MAF: variants seen among roughly 807,000 people sequenced by gnomAD.
MAF encodes MAF bZIP transcription factor.
MAF carries 10 observed loss-of-function variants against 22.0 expected under a neutral mutation model. The observed-to-expected ratio is 0.45, with a 90% CI of 0.28 to 0.77. The LOEUF is 0.77. Among genes scored for constraint, MAF ranks in the 30% least tolerant of loss-of-function variants. The pLI is 0.12. For missense variants in MAF, 544 were observed against 548.4 expected (o/e 0.99, Z 0.08); for synonymous variants, 337 against 255.8 (o/e 1.32, Z -3.03).
At chr16:79,267,910 GC>G in the MAF span, among the ~76,000 whole-genome samples, 3 of 151,996 alleles carry the variant, frequency 2.0e-5, no homozygotes, top group Non-Finnish European at 4.4e-5. Context: ...ACTCCACCTG[GC>G]CCGTTCTCAG....
chr16:79,202,887 G>T, the MAF span: 1 of 152,172 alleles, frequency 6.6e-6, no homozygotes, highest in African/African-American at 2.4e-5. Context: ...TGAGTAGTCA[G>T]CACATGCATA....
the MAF span, among the ~76,000 whole-genome samples, chr16:79,289,257 A>G: frequency 6.6e-6 from 1 of 152,218 alleles, no homozygotes; most frequent in Non-Finnish European, 1.5e-5. Context: ...GGAGCCCACA[A>G]AGGAGGTGAT....
the MAF span, among the ~76,000 whole-genome samples, chr16:79,461,003 C>T: frequency 6.6e-6 from 1 of 152,156 alleles, no homozygotes; most frequent in African/African-American, 2.4e-5. Context: ...TACTTATAGG[C>T]ACATGGCAGA....
chr16:79,216,784 G>A, the MAF span, among the ~76,000 whole-genome samples: 1 of 151,148 alleles, frequency 6.6e-6, no homozygotes, highest in Non-Finnish European at 1.5e-5. Context: ...TATGATTTAT[G>A]TAATAATGAT....
At chr16:79,315,450 C>A in the MAF span, among the ~76,000 whole-genome samples, 1 of 152,154 alleles carries the variant, frequency 6.6e-6, no homozygotes. Context: ...TATTTATACT[C>A]TTTCAACTTC....
chr16:79,257,801 A>G, the MAF span, among the ~76,000 whole-genome samples: 1 of 152,322 alleles, frequency 6.6e-6, no homozygotes, highest in Non-Finnish European at 1.5e-5. Context: ...ACATGAGAAA[A>G]TGTTGCTGTT....
the MAF span, among the ~76,000 whole-genome samples, chr16:79,550,873 T>G: frequency 1.3e-5 from 2 of 152,116 alleles, no homozygotes; most frequent in African/African-American, 4.8e-5. Flanking sequence ...TTGGCACAGA[T>G]GGCTCACGAA....
the MAF span, among the ~76,000 whole-genome samples, chr16:79,235,580 G>C: frequency 1.3e-5 from 2 of 151,796 alleles, 1 homozygote; most frequent in Non-Finnish European, 2.9e-5. Flanking sequence ...GAAAGCCGCA[G>C]AAGCAGCCAT....
the MAF span, among the ~76,000 whole-genome samples, chr16:79,404,986 G>T: frequency 0.15 from 22,384 of 152,074 alleles, 1,820 homozygotes; most frequent in South Asian, 0.26. Flanking sequence ...GGTTAGTACC[G>T]AACCACACAG....
chr16:79,432,330 G>C, the MAF span, among the ~76,000 whole-genome samples: 6 of 152,216 alleles, frequency 3.9e-5, no homozygotes, highest in Non-Finnish European at 8.8e-5. Context: ...CAATTACTCA[G>C]TCTCGAGTAT....
chr16:79,458,711 G>A, the MAF span, among the ~76,000 whole-genome samples: 1 of 152,176 alleles, frequency 6.6e-6, no homozygotes, highest in Non-Finnish European at 1.5e-5. Flanking sequence ...TTGTTAGGTT[G>A]TTTGTTGTTA....
chr16:79,337,336 C>T, the MAF span, among the ~76,000 whole-genome samples: 1 of 152,122 alleles, frequency 6.6e-6, no homozygotes, highest in Non-Finnish European at 1.5e-5. Context: ...CTTTGCGAGG[C>T]CGAGGCAGGC....
the MAF span, among the ~76,000 whole-genome samples, chr16:79,216,284 AAC>A: frequency 2.0e-5 from 3 of 152,216 alleles, no homozygotes; most frequent in Non-Finnish European, 4.4e-5. Context: ...ATACATGTAA[AAC>A]ACAGGCATTA....
the MAF span, chr16:79,205,431 C>T: frequency 3.3e-5 from 5 of 152,160 alleles, no homozygotes; most frequent in Non-Finnish European, 5.9e-5. Flanking sequence ...GGCAAAAGAT[C>T]AACATCTAAA....
At chr16:79,360,722 T>C in the MAF span, among the ~76,000 whole-genome samples, 32 of 152,266 alleles carry the variant, frequency 2.1e-4, no homozygotes, top group Non-Finnish European at 4.1e-4. Context: ...GCAAGTGCTG[T>C]GGGCATTTCA....
chr16:79,538,399 A>G, the MAF span, among the ~76,000 whole-genome samples: 2 of 152,190 alleles, frequency 1.3e-5, no homozygotes, highest in African/African-American at 4.8e-5. Context: ...GAAATACCCA[A>G]ATAAATTCTA....
the MAF span, among the ~76,000 whole-genome samples, chr16:79,502,735 AT>A: frequency 8.7e-6 from 1 of 115,472 alleles, no homozygotes; most frequent in African/African-American, 4.7e-5. Context: ...ATATATATAT[AT>A]ATATATATAT....
At chr16:79,585,793 C>T (rs1912800459), downstream of MAF, 4 of 590,622 alleles carry the variant, frequency 6.8e-6, no homozygotes, top group Non-Finnish European at 8.8e-6. Flanking sequence ...TTGTTTGCTT[C>T]CTTGCTTTTC....
chr16:79,584,550 T>C (rs373937138), downstream of MAF, among the ~76,000 whole-genome samples: 9 of 152,188 alleles, frequency 5.9e-5, no homozygotes, highest in Admixed American at 3.3e-4. Context: ...AACCTTGCCT[T>C]TCAAGTTCAT....
Sources: allele counts gnomAD v4.1 joint callset (sites outside exome capture counted in the v4.1 genomes callset), GRCh38; gene constraint gnomAD v4.1.1; transcripts MANE v1.5; gene names NCBI Gene and HGNC (gene_info 2026-07-23, HGNC 2026-07-21).